ACVR1C: variants seen among roughly 807,000 people sequenced by gnomAD.
ACVR1C encodes the protein activin receptor type-1C.
In ACVR1C, 23 loss-of-function variants were observed where a neutral mutation model predicts 57.9. That is an observed-to-expected ratio of 0.40 (90% CI 0.29 to 0.56). The LOEUF is 0.56. Ranked by LOEUF, ACVR1C falls within the 20% of genes least tolerant of loss-of-function variation. The pLI is 0.50. For synonymous variants in ACVR1C, 214 were observed against 215.3 expected (o/e 0.99, Z 0.05); for missense variants, 480 against 607.9 (o/e 0.79, Z 2.21).
intron 1 of ACVR1C, chr2:157,597,394 C>A (rs1352654800): frequency 2.0e-6 from 2 of 985,402 alleles, no homozygotes; most frequent in African/African-American, 1.7e-5. Flanking sequence ...AGCCCTCCCC[C>A]AGAGCAGCGG....
intron 1 of ACVR1C, among the ~76,000 whole-genome samples, chr2:157,625,448 C>A (rs1682874294): frequency 6.6e-6 from 1 of 152,164 alleles, no homozygotes; most frequent in Admixed American, 6.5e-5. Flanking sequence ...GTCAATCAAC[C>A]AATAAATGAC....
chr2:157,597,194 C>G (rs911696386), intron 1 of ACVR1C, among the ~76,000 whole-genome samples: 42 of 152,310 alleles, frequency 2.8e-4, no homozygotes, highest in African/African-American at 9.9e-4. Flanking sequence ...GTGGAAATAC[C>G]TCCTGCTGCG....
At chr2:157,551,908 C>A (rs1573913026) in intron 3 of ACVR1C, among the ~76,000 whole-genome samples, 1 of 152,136 alleles carries the variant, frequency 6.6e-6, no homozygotes, top group Admixed American at 6.5e-5. Flanking sequence ...CGGATCTCAA[C>A]AATTAGTCAC....
intron 1 of ACVR1C, among the ~76,000 whole-genome samples, chr2:157,615,908 T>C (rs1340061987): frequency 2.0e-5 from 3 of 152,236 alleles, no homozygotes; most frequent in African/African-American, 7.2e-5. Flanking sequence ...TATTTTTTAA[T>C]GCAAGCTGCC....
intron 1 of ACVR1C, among the ~76,000 whole-genome samples, chr2:157,612,378 C>A (rs938454604): frequency 1.6e-4 from 24 of 152,032 alleles, no homozygotes. Context: ...GCAAGGGCAG[C>A]TGTGTTGCAG....
At chr2:157,596,591 G>GA (rs1053143357) in intron 1 of ACVR1C, among the ~76,000 whole-genome samples, 2 of 152,070 alleles carry the variant, frequency 1.3e-5, no homozygotes, top group African/African-American at 2.4e-5. Flanking sequence ...TTAAAGCTTA[G>GA]AAAATCTCCC....
At chr2:157,575,426 C>A (rs1688621356) in intron 2 of ACVR1C, among the ~76,000 whole-genome samples, 3 of 152,226 alleles carry the variant, frequency 2.0e-5, no homozygotes, top group Non-Finnish European at 4.4e-5. Context: ...AGCCACTGCG[C>A]CCAGCCTAAT....
In ACVR1C at chr2:157,588,848, CATATATATATATATAT is replaced by C. The variant is rs71402394; in HGVS notation, c.74-1447_74-1432del. 6.7e-3 allele frequency among the ~76,000 whole-genome samples: 601 copies of C among 89,092 alleles called. 11 individuals are homozygous for C. Among genetic ancestry groups the C allele is most frequent in the African/African-American group, 0.022 (565 of 25,918 alleles). 58.4% of individuals were successfully genotyped at this position (89,092 alleles called of 152,430 possible). A position where few individuals can be genotyped will look rare whatever the true frequency, so the allele number is the denominator to read the frequency against. On this transcript the variant is annotated intron_variant, in intron 1 of 8. Transcript: ENST00000243349. ...TACACAAATACATACACAAACACAC[CATATATATATATATAT>C]ATATATATATATATACGTGTGTGTG... is the stretch of plus-strand genomic sequence containing the variant.
chr2:157,569,507 A>T (rs1448114217), intron 2 of ACVR1C, among the ~76,000 whole-genome samples: 2 of 103,072 alleles, frequency 1.9e-5, no homozygotes, highest in Admixed American at 1.0e-4. Flanking sequence ...TCAAATAGAC[A>T]CAATAGAAAA....
rs1031050888 is a variant in ACVR1C at position 157,527,134 on chromosome 2, T to C, written c.*6784A>G. 1 of 152,160 alleles carries C rather than the reference T, an allele frequency of 6.6e-6. No homozygotes were observed. The highest frequency in any genetic ancestry group is 2.4e-5 in the African/African-American group (1 of 41,428). The allele number at this position is 152,160 out of a possible 1,614,324, so 9.4% of individuals were successfully genotyped here. On this transcript the variant is annotated 3_prime_UTR_variant, in exon 9 of 9. Coordinates refer to ENST00000243349, the MANE Select transcript of ACVR1C (RefSeq NM_145259.3). ...TCACAGACTAGAAATTAATGAAACA[T>C]CTGAATATCATTCATTTCTCTTTGG... is the stretch of plus-strand genomic sequence containing the variant.
Position 157,549,010 on chromosome 2 carries a change from T to C in ACVR1C, c.775+1152A>G, listed in dbSNP as rs544166889. Among the ~76,000 whole-genome samples the C allele has an allele frequency of 2.6e-5, 4 of 152,326 alleles. No individual in the cohort carries two copies. The South Asian group carries it at 8.3e-4, about 32-fold the overall frequency. On this transcript the variant is annotated intron_variant, in intron 4 of 8. Transcript: ENST00000243349. ...CTAGTATTAATTGGTATGTCTGTAT[T>C]GGTTATTAAAATATTGAAATATTTC...
chr2:157,547,280 G>A (rs1467428250), intron 4 of ACVR1C, among the ~76,000 whole-genome samples: 3 of 106,294 alleles, frequency 2.8e-5, no homozygotes, highest in Admixed American at 1.1e-4. Flanking sequence ...ATAAACACAT[G>A]TGTGCATGTG....
chr2:157,625,116 A>G (rs1682868706), intron 1 of ACVR1C, among the ~76,000 whole-genome samples: 1 of 152,046 alleles, frequency 6.6e-6, no homozygotes, highest in Admixed American at 6.6e-5. Flanking sequence ...CAGAAAACCA[A>G]TTGCTTACTT....
chr2:157,541,324 C>A, intron 6 of ACVR1C, 110 bp from the exon 7 acceptor site: 1 of 1,101,712 alleles, frequency 9.1e-7, no homozygotes, highest in Non-Finnish European at 1.3e-6. Context: ...AGATTTGAAG[C>A]ACTATAATAG....
intron 1 of ACVR1C, among the ~76,000 whole-genome samples, chr2:157,588,848 C>CATATATATATATATATACAT (rs1688990248): frequency 1.1e-5 from 1 of 89,094 alleles, no homozygotes; most frequent in African/African-American, 3.9e-5. Flanking sequence ...ACAAACACAC[C>CATATATATATATATATACAT]ATATATATAT....
In ACVR1C at chr2:157,530,658, G is replaced by C. The variant is rs1420367378; in HGVS notation, c.*3260C>G. On this transcript the variant is annotated 3_prime_UTR_variant, in exon 9 of 9. Transcript: ENST00000243349. The stretch of plus-strand genomic sequence containing the variant: ...AGGTTACTATTTTCATACAATCATG[G>C]AAATTTAAAATGCAAAGTTAATTGA... The C allele has an allele frequency of 1.3e-5, 2 of 151,928 alleles. No individual in the cohort carries two copies. Among genetic ancestry groups the C allele is most frequent in the African/African-American group, 4.8e-5 (2 of 41,378 alleles). The allele number at this position is 151,928 out of a possible 1,614,324, so 9.4% of individuals were successfully genotyped here. A position where few individuals can be genotyped will look rare whatever the true frequency, so the allele number is the denominator to read the frequency against.
At chr2:157,614,869 G>A (rs1334201691) in intron 1 of ACVR1C, among the ~76,000 whole-genome samples, 1 of 152,082 alleles carries the variant, frequency 6.6e-6, no homozygotes, top group African/African-American at 2.4e-5. Context: ...CAATCTATTT[G>A]TCTCTTTGTA....
intron 1 of ACVR1C, among the ~76,000 whole-genome samples, chr2:157,625,279 GGGTCAAAAAT>G: frequency 1.3e-5 from 2 of 152,200 alleles, no homozygotes; most frequent in South Asian, 4.1e-4. Context: ...TCCATTGCTT[GGGTCAAAAAT>G]GTAGCATCAT....
At chr2:157,568,160 C>T (rs1688444106) in intron 2 of ACVR1C, among the ~76,000 whole-genome samples, 1 of 87,458 alleles carries the variant, frequency 1.1e-5, no homozygotes, top group Admixed American at 1.4e-4. Context: ...CAAGCAAATG[C>T]TGAGAGATTT....
Sources: allele counts gnomAD v4.1 joint callset (sites outside exome capture counted in the v4.1 genomes callset), GRCh38; gene constraint gnomAD v4.1.1; transcripts MANE v1.5; gene names NCBI Gene and HGNC (gene_info 2026-07-23, HGNC 2026-07-21).